Variants in PRSS38 observed in about 807,000 individuals in gnomAD.
PRSS38 encodes the protein marapsin 2.
A neutral mutation model predicts 26.8 loss-of-function variants in PRSS38; 22 were observed. The ratio of observed to expected loss-of-function variants is 0.82; its 90% CI spans 0.59 to 1.17. The LOEUF is 1.17. Among genes scored for constraint, PRSS38 ranks in the 50% most tolerant of loss-of-function variants. PRSS38 has a pLI of 0.00. For missense variants in PRSS38, 427 were observed against 422.7 expected, an observed-to-expected ratio of 1.01 and a Z score of -0.09; for synonymous variants, 175 against 172.1, an observed-to-expected ratio of 1.02 and a Z score of -0.13.
chr1:227,816,130 C>A lies in PRSS38; in HGVS notation c.189C>A (p.Gly63=). 6.2e-7 allele frequency: 1 copy of A among 1,613,600 alleles called. No homozygotes were observed. Among genetic ancestry groups the A allele is most frequent in the Non-Finnish European group, 8.5e-7 (1 of 1,179,862 alleles). Residue 63 remains glycine, a synonymous_variant, in exon 2 of 5, where the codon GGC becomes GGA. Coordinates refer to ENST00000366757, the Ensembl canonical transcript of PRSS38. The surrounding 1 kb of genome is among the most constrained non-coding windows in gnomAD (Gnocchi z 5.1). ...GCATGGAGGGGAAAATCCTGGGCGGCGTCCCTGCGCCCGAGAGGAAGTGGC... is the reference window on the plus strand; with the variant it reads ...GCATGGAGGGGAAAATCCTGGGCGGAGTCCCTGCGCCCGAGAGGAAGTGGC...
intron 3 of PRSS38, among the ~76,000 whole-genome samples, chr1:227,823,925 A>T (rs998818603): frequency 6.6e-6 from 1 of 152,218 alleles, no homozygotes; most frequent in Non-Finnish European, 1.5e-5. Flanking sequence ...ATGTGAGTGC[A>T]GGTATTTTTT....
At chr1:227,817,478 A>G in exon 3 of PRSS38, 1 of 1,614,164 alleles carries the variant, frequency 6.2e-7, no homozygotes, top group Non-Finnish European at 8.5e-7. Context: ...GTCTCAAAAC[A>G]AGGTAGGAAT....
chr1:227,835,925 G>A (rs1241657974), intron 3 of PRSS38, among the ~76,000 whole-genome samples: 1 of 152,118 alleles, frequency 6.6e-6, no homozygotes, highest in Non-Finnish European at 1.5e-5. Context: ...TTAATGTAAC[G>A]TAAATTTTGC....
At chr1:227,839,943 G>A (rs1033432058) in intron 3 of PRSS38, among the ~76,000 whole-genome samples, 10 of 152,014 alleles carry the variant, frequency 6.6e-5, no homozygotes, top group African/African-American at 2.2e-4. Context: ...TTTGCCCCTC[G>A]GCTTTATCTT....
chr1:227,846,360 G>A, exon 5 of PRSS38: 2 of 1,012,130 alleles, frequency 2.0e-6, no homozygotes, highest in East Asian at 2.5e-5. Context: ...GAGGTGATGA[G>A]CAAGTGTACA....
chr1:227,839,528 G>A (rs1665286379), intron 3 of PRSS38, among the ~76,000 whole-genome samples: 1 of 151,886 alleles, frequency 6.6e-6, no homozygotes. Context: ...AAAAAAAGGT[G>A]TGTAACTGAA....
chr1:227,833,965 G>A (rs1349339563), intron 3 of PRSS38, among the ~76,000 whole-genome samples: 2 of 152,204 alleles, frequency 1.3e-5, no homozygotes, highest in African/African-American at 4.8e-5. Context: ...ATGTAATCAA[G>A]TTAAGATGAG....
In PRSS38 at chr1:227,846,157, GC is replaced by G; in HGVS notation, c.933del (p.Thr312LeufsTer5). On this transcript the variant is annotated frameshift_variant, in exon 5 of 5. Transcript: ENST00000366757. LOFTEE classifies it low-confidence loss of function (END_TRUNC). ...CCCCTGCTCTCTCTCCAGCTCTGGG[GC>G]CCACTCTCAGCGTCCTAATGGCCAT... 2 of 1,613,474 alleles carry G rather than the reference GC, an allele frequency of 1.2e-6. No individual in the cohort carries two copies. The highest frequency in any genetic ancestry group is 1.7e-6 in the Non-Finnish European group (2 of 1,180,030).
chr1:227,845,512 T>C, exon 4 of PRSS38: 1 of 1,613,146 alleles, frequency 6.2e-7, no homozygotes, highest in Non-Finnish European at 8.5e-7. Flanking sequence ...CTCCCGCTGA[T>C]CCTGGAGCCC....
chr1:227,846,451 A>G, exon 5 of PRSS38: 1 of 566,224 alleles, frequency 1.8e-6, no homozygotes, highest in East Asian at 2.9e-5. Context: ...TGATAAGATC[A>G]TTAAATATTT....
chr1:227,844,038 C>T (rs1359748686), intron 3 of PRSS38, among the ~76,000 whole-genome samples: 1 of 152,174 alleles, frequency 6.6e-6, no homozygotes, highest in Non-Finnish European at 1.5e-5. Context: ...CTCTGTGTTA[C>T]TTTCAACTCC....
chr1:227,841,134 G>A (rs1665331837), intron 3 of PRSS38, among the ~76,000 whole-genome samples: 1 of 152,222 alleles, frequency 6.6e-6, no homozygotes, highest in Admixed American at 6.5e-5. Flanking sequence ...TTGTGGGTCG[G>A]TGATGTAACC....
At chr1:227,845,080 TGCC>T (rs1665403623) in intron 3 of PRSS38, among the ~76,000 whole-genome samples, 1 of 107,040 alleles carries the variant, frequency 9.3e-6, no homozygotes, top group African/African-American at 3.8e-5. Context: ...TTTAGTGGGG[TGCC>T]TCCCTATGTG....
intron 3 of PRSS38, among the ~76,000 whole-genome samples, chr1:227,823,222 G>T (rs927089667): frequency 3.3e-5 from 5 of 151,976 alleles, no homozygotes; most frequent in African/African-American, 1.2e-4. Flanking sequence ...TTAAGATAAT[G>T]GCCTCCAGTT....
chr1:227,823,587 G>A (rs1665031708), intron 3 of PRSS38, among the ~76,000 whole-genome samples: 1 of 152,142 alleles, frequency 6.6e-6, no homozygotes, highest in Non-Finnish European at 1.5e-5. Context: ...GAATGGCTTG[G>A]TGCCATCTTT....
chr1:227,830,197 T>G (rs983266748), intron 3 of PRSS38, among the ~76,000 whole-genome samples: 27 of 152,168 alleles, frequency 1.8e-4, no homozygotes, highest in Non-Finnish European at 3.4e-4. Flanking sequence ...GTTAATACTT[T>G]GTTAAAGATT....
chr1:227,817,372 C>T lies in PRSS38; in HGVS notation c.475C>T (p.Arg159Cys), dbSNP rs200455452. 1.8e-4 allele frequency: 292 copies of T among 1,614,170 alleles called. No individual in the cohort carries two copies. In the East Asian group the frequency reaches 5.3e-3, roughly 29 times the overall value. The stretch of plus-strand genomic sequence containing the variant: ...CGTGGCCCTGGTGCAGCTGAAGACC[C>T]GCATTGTGTTTTCTGAGTCCGTGCT... Residue 159 changes from arginine (R) to cysteine (C), a missense_variant, in exon 3 of 5, where the codon CGC becomes TGC. Physicochemically the swap from Arg to Cys is radical, Grantham distance 180. Transcript: ENST00000366757.
chr1:227,825,166 T>G (rs1665055546), intron 3 of PRSS38, among the ~76,000 whole-genome samples: 1 of 152,200 alleles, frequency 6.6e-6, no homozygotes, highest in African/African-American at 2.4e-5. Context: ...CTGAATGGTA[T>G]TGCCTAGATT....
intron 3 of PRSS38, among the ~76,000 whole-genome samples, chr1:227,842,614 T>C (rs1405725237): frequency 6.6e-6 from 1 of 151,770 alleles, no homozygotes; most frequent in Non-Finnish European, 1.5e-5. Context: ...AGTTTCACTC[T>C]TGTTGCTCAG....
Sources: gnomAD v4.1 joint callset for allele counts (sites outside exome capture counted in the v4.1 genomes callset) on GRCh38, gnomAD v4.1.1 for gene constraint, Gnocchi (gnomAD v3.1) non-coding constraint, MANE v1.5 for transcripts, NCBI Gene and HGNC (gene_info 2026-07-23, HGNC 2026-07-21) for gene names.